The following BPIFC variants were observed in gnomAD, a reference collection of about 807,000 sequenced individuals.
BPIFC encodes the protein BPI fold-containing family C protein.
In BPIFC, 60 loss-of-function variants were observed where a neutral mutation model predicts 57.6. That is an observed-to-expected ratio of 1.04 (90% confidence interval 0.85 to 1.29). The LOEUF (loss-of-function observed/expected upper bound fraction) is 1.29, where lower values mean the gene tolerates loss of function less well. BPIFC is among the 50% of genes most tolerant of loss of function. BPIFC has a pLI of 0.00. For synonymous variants in BPIFC, 243 were observed against 224.5 expected (o/e 1.08, Z -0.74); for missense variants, 581 against 600.5 (o/e 0.97, Z 0.34).
At position 32,461,619 on chromosome 22, in the gene BPIFC, T is replaced by C. The variant is rs953836169; in HGVS notation, c.-46A>G. ...AGCTGATCTTCTGCTGTGCTGGGCC[T>C]TTCTTGATCCTTTAGTTGCCCTTGG... On this transcript the variant is annotated 5_prime_UTR_variant, in exon 2 of 17. Transcript: ENST00000300399. 6.1e-6 allele frequency: 6 copies of C among 985,480 alleles called. No homozygotes were observed. In the African/African-American group the frequency reaches 1.0e-4, roughly 17 times the overall value. The allele number at this position is 985,480 out of a possible 1,614,324, so 61.0% of individuals were successfully genotyped here. A position where few individuals can be genotyped will look rare whatever the true frequency, so the allele number is the denominator to read the frequency against.
intron 8 of BPIFC, among the ~76,000 whole-genome samples, chr22:32,439,216 T>A (rs1299042594): frequency 6.6e-6 from 1 of 152,050 alleles, no homozygotes; most frequent in Non-Finnish European, 1.5e-5. Flanking sequence ...TCCCAGCTAC[T>A]TGGGAGGCTG....
chr22:32,439,830 G>C (rs1934516174), intron 8 of BPIFC, among the ~76,000 whole-genome samples: 1 of 152,126 alleles, frequency 6.6e-6, no homozygotes, highest in Non-Finnish European at 1.5e-5. Context: ...GGCCAGGCTG[G>C]TCTTGAACTC....
At chr22:32,425,333 G>A (rs913427544) in intron 13 of BPIFC, among the ~76,000 whole-genome samples, 1 of 152,152 alleles carries the variant, frequency 6.6e-6, no homozygotes, top group African/African-American at 2.4e-5. Flanking sequence ...TGGAGACACA[G>A]AGTTGTAAGA....
At chr22:32,430,802 G>A (rs907256658) in intron 13 of BPIFC, among the ~76,000 whole-genome samples, 2 of 151,726 alleles carry the variant, frequency 1.3e-5, no homozygotes, top group Non-Finnish European at 2.9e-5. Flanking sequence ...ACCACGCCTA[G>A]CTAATTTTTA....
In BPIFC at chr22:32,426,721, G is replaced by A. The variant is rs188996747; in HGVS notation, c.1217+4626C>T. Reference sequence around the variant, plus strand: ...AGCCTGGCCAACATGGCGAAACCCCGTCTCTACTAAAAATACAAAAATCAG... The same window carrying A: ...AGCCTGGCCAACATGGCGAAACCCCATCTCTACTAAAAATACAAAAATCAG... On this transcript the variant is annotated intron_variant, in intron 13 of 16. Transcript: ENST00000300399. Among the ~76,000 whole-genome samples, 268 of 151,792 alleles carry A rather than the reference G, an allele frequency of 1.8e-3. 3 individuals carry two copies. Among genetic ancestry groups the A allele is most frequent in the Admixed American group, 0.015 (232 of 15,248 alleles).
intron 2 of BPIFC, among the ~76,000 whole-genome samples, chr22:32,458,972 CAAAT>C: frequency 6.6e-6 from 1 of 152,200 alleles, no homozygotes; most frequent in Non-Finnish European, 1.5e-5. Context: ...ATAGACCAAA[CAAAT>C]TAATGGCATC....
At position 32,457,344 on chromosome 22, in the gene BPIFC, G is replaced by A; in HGVS notation, c.43C>T (p.Leu15=). ...GAGGATGAGACATAGAGATTCCACA[G>A]GAGGAAACATCCCCAGAGGACTGGG... ...TIPVLWGCFL[L]WNLYVSSSQT... Residue 15 remains leucine (L), a synonymous_variant, in exon 3 of 17, where the codon CTG becomes TTG. Coordinates refer to ENST00000300399, the MANE Select transcript of BPIFC (RefSeq NM_174932.3). The A allele has an allele frequency of 6.2e-7, 1 of 1,610,650 alleles. No individual in the cohort carries two copies. Among genetic ancestry groups the A allele is most frequent in the Non-Finnish European group, 8.5e-7 (1 of 1,179,040 alleles).
intron 13 of BPIFC, among the ~76,000 whole-genome samples, chr22:32,421,558 G>A (rs974328707): frequency 2.0e-5 from 3 of 152,126 alleles, no homozygotes; most frequent in South Asian, 2.1e-4. Context: ...GGGAAGCTAC[G>A]TTACAGGCAT....
Position 32,453,196 on chromosome 22 carries a change from G to A in BPIFC, c.245+187C>T, listed in dbSNP as rs547264847. ...GCTGCCTGAAACATGATGATTTGAT[G>A]GCTGGAACCGCAGTGGCCATATTGA... On this transcript the variant is annotated intron_variant, in intron 4 of 16. Transcript: ENST00000300399. 4 of 404,682 alleles carry A rather than the reference G, an allele frequency of 9.9e-6. No homozygotes were observed. The South Asian group carries it at 1.8e-4, about 18-fold the overall frequency. 25.1% of individuals were successfully genotyped at this position (404,682 alleles called of 1,614,324 possible).
intron 2 of BPIFC, 135 bp from the exon 3 acceptor site, chr22:32,457,521 TCATCCATC>T (rs879198542): frequency 1.9e-5 from 18 of 960,220 alleles, no homozygotes; most frequent in Admixed American, 1.2e-4. Context: ...ATCCATCCAT[TCATCCATC>T]CATCCATCCA....
At chr22:32,419,106 T>C (rs1933763379) in intron 14 of BPIFC, among the ~76,000 whole-genome samples, 1 of 152,182 alleles carries the variant, frequency 6.6e-6, no homozygotes, top group South Asian at 2.1e-4. Context: ...TCTAGCATTA[T>C]ACAATGTCTC....
At chr22:32,424,741 CTCT>C (rs1180971978) in intron 13 of BPIFC, among the ~76,000 whole-genome samples, 11 of 44,332 alleles carry the variant, frequency 2.5e-4, no homozygotes, top group African/African-American at 1.4e-3. Context: ...CTTCTTCTTC[CTCT>C]TCTTCTTCCT....
At chr22:32,448,756 A>G (rs1207660342) in intron 4 of BPIFC, among the ~76,000 whole-genome samples, 3 of 152,092 alleles carry the variant, frequency 2.0e-5, no homozygotes, top group East Asian at 3.9e-4. Context: ...TGGCCAACAT[A>G]GTGAAACCCC....
chr22:32,432,660 A>G (rs1934283169), intron 11 of BPIFC, 117 bp from the exon 12 acceptor site: 1 of 988,948 alleles, frequency 1.0e-6, no homozygotes, highest in Admixed American at 2.8e-5. Context: ...AGAATAGAAA[A>G]AAAGCTCTTT....
At chr22:32,457,163 T>G (rs1935055059) in intron 3 of BPIFC, 100 bp downstream of exon 3, 3 of 1,385,732 alleles carry the variant, frequency 2.2e-6, no homozygotes, top group Admixed American at 5.3e-5. Flanking sequence ...AGTACGGCGT[T>G]TCTCAGTCAG....
chr22:32,416,663 G>A lies in BPIFC; in HGVS notation c.1324+422C>T, dbSNP rs149623951. ...ATGCTGCAGTTTATGAACAACTGCT[G>A]TGCAAGGAGAAGGCCCAGGATTGTC... On this transcript the variant is annotated intron_variant, in intron 15 of 16. Transcript: ENST00000300399. Among the ~76,000 whole-genome samples, 262 of 152,334 alleles carry A rather than the reference G, an allele frequency of 1.7e-3. 2 individuals are homozygous for A. The highest frequency in any genetic ancestry group is 2.0e-3 in the Non-Finnish European group (133 of 68,040).
intron 8 of BPIFC, among the ~76,000 whole-genome samples, chr22:32,438,283 G>A (rs1257395899): frequency 6.6e-6 from 1 of 152,322 alleles, no homozygotes. Flanking sequence ...GGTTGACCAC[G>A]GATAACTGAA....
intron 13 of BPIFC, among the ~76,000 whole-genome samples, chr22:32,429,677 C>T (rs927718613): frequency 9.2e-5 from 14 of 151,482 alleles, no homozygotes; most frequent in East Asian, 2.0e-4. Flanking sequence ...CTACCATGCC[C>T]GGCTAATTTT....
chr22:32,433,648 CCCA>C, intron 11 of BPIFC, 68 bp downstream of exon 11: 1 of 1,378,550 alleles, frequency 7.3e-7, no homozygotes, highest in Admixed American at 1.7e-5. Context: ...ATACGTAGAA[CCCA>C]CAAGTCTTCC....
Sources: gnomAD v4.1 joint callset for allele counts (sites outside exome capture counted in the v4.1 genomes callset) on GRCh38, gnomAD v4.1.1 for gene constraint, MANE v1.5 for transcripts, NCBI Gene and HGNC (gene_info 2026-07-23, HGNC 2026-07-21) for gene names.